Variants in KCNJ10 observed in about 807,000 individuals in gnomAD.
KCNJ10 encodes the protein ATP-sensitive inward rectifier potassium channel 10.
A neutral mutation model predicts 22.2 loss-of-function variants in KCNJ10; 9 were observed. The observed-to-expected ratio is 0.40, with a 90% CI of 0.24 to 0.71. The LOEUF (loss-of-function observed/expected upper bound fraction) is 0.71. Among genes scored for constraint, KCNJ10 ranks in the 30% least tolerant of loss-of-function variants. The probability of loss-of-function intolerance (pLI) is 0.35; values close to 1 mark genes in which losing one functional copy is unlikely to be tolerated. For missense variants in KCNJ10, 337 were observed against 482.7 expected (o/e 0.70, Z 2.83); for synonymous variants, 184 against 187.3 (o/e 0.98, Z 0.15).
chr1:160,048,225 A>AGGGCCCCCCTG (rs1648793152), intron 1 of KCNJ10, among the ~76,000 whole-genome samples: 1 of 19,536 alleles, frequency 5.1e-5, no homozygotes, highest in African/African-American at 2.9e-4. Context: ...TGGACGGGCC[A>AGGGCCCCCCTG]AGGCCTCACA....
At chr1:160,043,270 AAAACACACACACACACACAC>A (rs1346743593) in intron 1 of KCNJ10, among the ~76,000 whole-genome samples, 4 of 24,044 alleles carry the variant, frequency 1.7e-4, no homozygotes, top group African/African-American at 3.2e-4. Flanking sequence ...AATCCCCCTT[AAAACACACACACACACACAC>A]ACACACACAC....
intron 1 of KCNJ10, among the ~76,000 whole-genome samples, chr1:160,050,871 C>T (rs1356882125): frequency 6.6e-6 from 1 of 152,088 alleles, no homozygotes; most frequent in Non-Finnish European, 1.5e-5. Flanking sequence ...TCAGGCCCTG[C>T]AGCTCCTGCA....
Position 160,040,691 on chromosome 1 carries a change from A to G in KCNJ10, c.*702T>C, listed in dbSNP as rs1030823568. On this transcript the variant is annotated 3_prime_UTR_variant, in exon 2 of 2. Coordinates refer to ENST00000644903, the MANE Select transcript of KCNJ10 (RefSeq NM_002241.5). ...GAATCCAGGATAGATATGGGTGGTT[A>G]TATGTTTATGTTTCTTGGGCCAACT... 23 of 398,942 alleles carry G rather than the reference A, an allele frequency of 5.8e-5. No homozygotes were observed. Among genetic ancestry groups the G allele is most frequent in the African/African-American group, 4.7e-4 (23 of 48,578 alleles). The allele number at this position is 398,942 out of a possible 1,614,324, so 24.7% of individuals were successfully genotyped here. A position where few individuals can be genotyped will look rare whatever the true frequency, so the allele number is the denominator to read the frequency against.
chr1:160,048,458 G>C (rs984336991), intron 1 of KCNJ10, among the ~76,000 whole-genome samples: 1 of 152,246 alleles, frequency 6.6e-6, no homozygotes, highest in Non-Finnish European at 1.5e-5. Context: ...CAGAGCATTG[G>C]AGTTGATTAT....
intron 1 of KCNJ10, among the ~76,000 whole-genome samples, chr1:160,068,761 C>G (rs1054722364): frequency 1.3e-5 from 2 of 152,192 alleles, no homozygotes; most frequent in African/African-American, 4.8e-5. Context: ...GGAATATGTT[C>G]AAAAATCCTT....
At chr1:160,050,447 T>C (rs12402969) in intron 1 of KCNJ10, among the ~76,000 whole-genome samples, 16,180 of 152,176 alleles carry the variant, frequency 0.11, 1,154 homozygotes, top group Admixed American at 0.16. Context: ...TAAACATTTT[T>C]TTTTCCAGCA....
rs1350043999 is a variant in KCNJ10 at position 160,049,090 on chromosome 1, A to G, written c.1-6558T>C. On this transcript the variant is annotated intron_variant, in intron 1 of 1. Coordinates refer to ENST00000644903, the MANE Select transcript of KCNJ10 (RefSeq NM_002241.5). ...TTTACGAATGAGGAAACTGAGGCTC[A>G]GAGAGATGGTGTGACTCAGTAAACT... Among the ~76,000 whole-genome samples, 48 of 152,240 alleles carry G rather than the reference A, an allele frequency of 3.2e-4. 1 individual carries two copies. Among genetic ancestry groups the G allele is most frequent in the Admixed American group, 3.1e-3 (48 of 15,280 alleles).
chr1:160,058,966 A>C (rs192554703), intron 1 of KCNJ10, among the ~76,000 whole-genome samples: 16 of 152,252 alleles, frequency 1.1e-4, no homozygotes, highest in Admixed American at 8.5e-4. Context: ...CACCCACAAC[A>C]TGGGCTGCTA....
Position 160,042,086 on chromosome 1 carries a change from G to A in KCNJ10, c.447C>T (p.Ala149=). Residue 149 remains alanine, a synonymous_variant, in exon 2 of 2, where the codon GCC becomes GCT. Transcript: ENST00000644903. ...ECPLAIVLLI[A]QLVLTTILEI... ...CCAGGATGGTGGTGAGCACCAGCTG[G>A]GCAATAAGAAGCACAATGGCCAGTG... The A allele has an allele frequency of 6.5e-7, 1 of 1,550,132 alleles. No homozygotes were observed.
chr1:160,038,074 G>A lies in KCNJ10; in HGVS notation c.*3319C>T, dbSNP rs960317871. On this transcript the variant is annotated 3_prime_UTR_variant, in exon 2 of 2. Coordinates refer to ENST00000644903, the MANE Select transcript of KCNJ10 (RefSeq NM_002241.5). Reference sequence around the variant, plus strand: ...ACACAAAAGGCTGGGCCTTGACCTTGGGAGATCTTCAGCCTAACAGCTATT... The same window carrying A: ...ACACAAAAGGCTGGGCCTTGACCTTAGGAGATCTTCAGCCTAACAGCTATT... 2 of 152,186 alleles carry A rather than the reference G, an allele frequency of 1.3e-5. No homozygotes were observed. The highest frequency in any genetic ancestry group is 4.8e-5 in the African/African-American group (2 of 41,438). 9.4% of individuals were successfully genotyped at this position (152,186 alleles called of 1,614,324 possible).
intron 1 of KCNJ10, among the ~76,000 whole-genome samples, chr1:160,043,382 T>A (rs1648661793): frequency 6.6e-6 from 1 of 151,920 alleles, no homozygotes; most frequent in Admixed American, 6.6e-5. Context: ...AAGATACTCA[T>A]CTGGTTCAGA....
chr1:160,056,764 C>G lies in KCNJ10; in HGVS notation c.-1+13258G>C, dbSNP rs945349259. On this transcript the variant is annotated intron_variant, in intron 1 of 1. Coordinates refer to ENST00000644903, the MANE Select transcript of KCNJ10 (RefSeq NM_002241.5). ...AGTAAAGAGGGAGGAATTAGAATCT[C>G]TGGGTGATTCTGGGCTAGGAATGTC... Among the ~76,000 whole-genome samples, 5 of 152,274 alleles carry G rather than the reference C, an allele frequency of 3.3e-5. No individual in the cohort carries two copies. The South Asian group carries it at 1.0e-3, about 32-fold the overall frequency.
rs758537153 is a variant in KCNJ10 at position 160,038,213 on chromosome 1, C to G, written c.*3180G>C. ...GCTAGAGCAATAGCAGCTCCCACCC[C>G]TGTGGAAGACGGAAATACAGTGTAC... On this transcript the variant is annotated 3_prime_UTR_variant, in exon 2 of 2. Coordinates refer to ENST00000644903, the MANE Select transcript of KCNJ10 (RefSeq NM_002241.5). The G allele has an allele frequency of 3.9e-5, 6 of 152,252 alleles. No individual in the cohort carries two copies. Among genetic ancestry groups the G allele is most frequent in the Non-Finnish European group, 7.3e-5 (5 of 68,054 alleles). The allele number at this position is 152,252 out of a possible 1,614,324, so 9.4% of individuals were successfully genotyped here.
chr1:160,060,868 A>G (rs1487601733), intron 1 of KCNJ10, among the ~76,000 whole-genome samples: 1 of 152,188 alleles, frequency 6.6e-6, no homozygotes, highest in East Asian at 1.9e-4. Flanking sequence ...CTTATAATTG[A>G]TAGAGATCCC....
chr1:160,057,044 T>A (rs1178727568), intron 1 of KCNJ10, among the ~76,000 whole-genome samples: 1 of 152,196 alleles, frequency 6.6e-6, no homozygotes, highest in Non-Finnish European at 1.5e-5. Flanking sequence ...ACTTACTAGC[T>A]AGGGGAACTT....
At chr1:160,062,698 A>G (rs896423456) in intron 1 of KCNJ10, 3 of 152,200 alleles carry the variant, frequency 2.0e-5, no homozygotes, top group African/African-American at 7.2e-5. Context: ...TCTAGAAAGA[A>G]GTGGGTGGGC....
chr1:160,044,200 AG>A (rs1185840490), intron 1 of KCNJ10, among the ~76,000 whole-genome samples: 1 of 152,216 alleles, frequency 6.6e-6, no homozygotes, highest in Non-Finnish European at 1.5e-5. Context: ...CCTGTGTCAC[AG>A]GCCATTTGGA....
chr1:160,066,393 C>A (rs1478286565), intron 1 of KCNJ10, among the ~76,000 whole-genome samples: 1 of 151,950 alleles, frequency 6.6e-6, no homozygotes, highest in Non-Finnish European at 1.5e-5. Context: ...GACAGAATCT[C>A]AAAACAAAAC....
intron 1 of KCNJ10, among the ~76,000 whole-genome samples, chr1:160,055,328 A>G (rs1489654519): frequency 6.6e-6 from 1 of 152,158 alleles, no homozygotes; most frequent in Non-Finnish European, 1.5e-5. Flanking sequence ...AGGAAGCAGG[A>G]AGCTCTCTCC....
Sources: gnomAD v4.1 joint callset for allele counts (sites outside exome capture counted in the v4.1 genomes callset) on GRCh38, gnomAD v4.1.1 for gene constraint, MANE v1.5 for transcripts, NCBI Gene and HGNC (gene_info 2026-07-23, HGNC 2026-07-21) for gene names.